PKNOX2: variants seen among roughly 807,000 people sequenced by gnomAD.
PKNOX2 encodes the protein homeobox protein PKNOX2.
A neutral mutation model predicts 53.1 loss-of-function variants in PKNOX2; 14 were observed. That is an observed-to-expected ratio of 0.26 (90% CI 0.17 to 0.41). The LOEUF is 0.41. PKNOX2 is among the 10% of genes least tolerant of loss of function. The probability of loss-of-function intolerance (pLI) is 1.00; values close to 1 mark genes in which losing one functional copy is unlikely to be tolerated. For synonymous variants in PKNOX2, 257 were observed against 242.8 expected (o/e 1.06, Z -0.54); for missense variants, 496 against 602.8 (o/e 0.82, Z 1.85).
Position 125,165,375 on chromosome 11 carries a change from A to T in PKNOX2, c.-201+599A>T, listed in dbSNP as rs1954786951. On this transcript the variant is annotated intron_variant, in intron 1 of 12. Coordinates refer to ENST00000298282, the MANE Select transcript of PKNOX2 (RefSeq NM_001382323.2). This position sits in a 1 kb window ranked among gnomAD's most constrained non-coding sequence, Gnocchi z 4.5. ...TCCCGGCCGGGCGCTCCGCGGGGAG[A>T]GGCTGGGAACCGCGGGCAGGCTCCA... Among the ~76,000 whole-genome samples, 2 of 151,798 alleles carry T rather than the reference A, an allele frequency of 1.3e-5. No homozygotes were observed. Among genetic ancestry groups the T allele is most frequent in the African/African-American group, 4.8e-5 (2 of 41,318 alleles).
At chr11:125,292,631 G>A (rs1439669871) in intron 2 of PKNOX2, among the ~76,000 whole-genome samples, 1 of 152,196 alleles carries the variant, frequency 6.6e-6, no homozygotes, top group Non-Finnish European at 1.5e-5. Flanking sequence ...AAGACTGATG[G>A]AACGGAGCAG....
intron 4 of PKNOX2, among the ~76,000 whole-genome samples, chr11:125,353,615 C>A (rs891871822): frequency 6.6e-6 from 1 of 152,172 alleles, no homozygotes; most frequent in African/African-American, 2.4e-5. Flanking sequence ...CAGGCACTGC[C>A]CGAAGGCTCT....
At chr11:125,203,103 G>A (rs1167667628) in intron 1 of PKNOX2, among the ~76,000 whole-genome samples, 2 of 152,052 alleles carry the variant, frequency 1.3e-5, no homozygotes, top group African/African-American at 4.8e-5. Context: ...TAACCAAGAG[G>A]TACAGAGTTC....
intron 2 of PKNOX2, among the ~76,000 whole-genome samples, chr11:125,327,340 G>A (rs1949883396): frequency 6.6e-6 from 1 of 152,204 alleles, no homozygotes. Flanking sequence ...GCTGGAGGTG[G>A]GGAGGTCGTG....
At chr11:125,288,712 G>C (rs1403042962) in intron 2 of PKNOX2, among the ~76,000 whole-genome samples, 2 of 152,196 alleles carry the variant, frequency 1.3e-5, no homozygotes, top group Non-Finnish European at 1.5e-5. Flanking sequence ...CTCACGTTGT[G>C]CACCATCCCC....
chr11:125,383,149 G>A (rs915444620), intron 5 of PKNOX2, among the ~76,000 whole-genome samples: 16 of 152,218 alleles, frequency 1.1e-4, no homozygotes, highest in African/African-American at 3.6e-4. Context: ...GTGGATGGGG[G>A]TACGCACTTT....
rs1370701801 is a variant in PKNOX2 at position 125,166,591 on chromosome 11, C to G, written c.-201+1815C>G. 6.6e-6 allele frequency among the ~76,000 whole-genome samples: 1 copy of G among 152,082 alleles called. No individual in the cohort carries two copies. The highest frequency in any genetic ancestry group is 2.4e-5 in the African/African-American group (1 of 41,432). On this transcript the variant is annotated intron_variant, in intron 1 of 12. Coordinates refer to ENST00000298282, the MANE Select transcript of PKNOX2 (RefSeq NM_001382323.2). This position sits in a 1 kb window ranked among gnomAD's most constrained non-coding sequence, Gnocchi z 4.0. ...GCGCGGCGGGGCGGGAGCGGTGGCC[C>G]GCAGGGGCCGCGGCCTGCGATGAAG...
chr11:125,388,205 A>G (rs533753751), intron 6 of PKNOX2, among the ~76,000 whole-genome samples: 8 of 152,212 alleles, frequency 5.3e-5, no homozygotes, highest in African/African-American at 1.9e-4. Context: ...CAACCACCGG[A>G]GCCATCATTA....
At chr11:125,172,441 C>T (rs919852779) in intron 1 of PKNOX2, among the ~76,000 whole-genome samples, 12 of 152,202 alleles carry the variant, frequency 7.9e-5, no homozygotes, top group Non-Finnish European at 1.5e-4. Flanking sequence ...TATAGGCCCA[C>T]ATCCAGCCCT....
chr11:125,169,915 T>G (rs1955153435), intron 1 of PKNOX2, among the ~76,000 whole-genome samples: 2 of 152,242 alleles, frequency 1.3e-5, no homozygotes, highest in South Asian at 4.1e-4. Context: ...CAATTTTGGC[T>G]GAGTTGGGGG....
chr11:125,316,846 A>T (rs71474140), intron 2 of PKNOX2, among the ~76,000 whole-genome samples: 1 of 152,228 alleles, frequency 6.6e-6, no homozygotes, highest in South Asian at 2.1e-4. Flanking sequence ...AAATAAGACA[A>T]CAATGAAGTT....
At chr11:125,369,722 A>T (rs1952421506) in intron 5 of PKNOX2, among the ~76,000 whole-genome samples, 1 of 152,140 alleles carries the variant, frequency 6.6e-6, no homozygotes, top group African/African-American at 2.4e-5. Context: ...GAAGCTGGGA[A>T]TGGGGAGATG....
Sources: gnomAD v4.1 joint callset for allele counts (sites outside exome capture counted in the v4.1 genomes callset) on GRCh38, gnomAD v4.1.1 for gene constraint, Gnocchi (gnomAD v3.1) non-coding constraint, MANE v1.5 for transcripts, NCBI Gene and HGNC (gene_info 2026-07-23, HGNC 2026-07-21) for gene names.